The following AK7 variants were observed in gnomAD, a reference collection of about 807,000 sequenced individuals.
AK7 encodes the protein adenylate kinase 7, also known as ATP-AMP transphosphorylase 7.
In AK7, 78 loss-of-function variants were observed where a neutral mutation model predicts 96.6. The ratio of observed to expected loss-of-function variants is 0.81; its 90% confidence interval spans 0.67 to 0.97. AK7 has a LOEUF of 0.97. Among genes scored for constraint, AK7 ranks in the 50% least tolerant of loss-of-function variants. The probability of loss-of-function intolerance (pLI) is 0.00; values close to 1 mark genes in which losing one functional copy is unlikely to be tolerated. For synonymous variants in AK7, 302 were observed against 317.2 expected (o/e 0.95, Z 0.51); for missense variants, 855 against 887.9 (o/e 0.96, Z 0.47).
intron 6 of AK7, among the ~76,000 whole-genome samples, chr14:96,439,403 G>A (rs865821057): frequency 3.5e-4 from 54 of 152,236 alleles, no homozygotes; most frequent in African/African-American, 1.1e-3. Flanking sequence ...GCCGACTCAC[G>A]CCTGTAATCC....
In AK7 at chr14:96,468,273, A is replaced by G. The variant is rs115688991; in HGVS notation, c.1358-3205A>G. ...CTCTCATGAGGCAGACTTCCTACAA[A>G]TACATAGCTTTTGCACTCTTTCCTT... On this transcript the variant is annotated intron_variant, in intron 12 of 17. Transcript: ENST00000267584. 3.2e-3 allele frequency among the ~76,000 whole-genome samples: 469 copies of G among 147,216 alleles called. 5 individuals carry two copies. The highest frequency in any genetic ancestry group is 0.011 in the African/African-American group (448 of 40,096).
intron 12 of AK7, among the ~76,000 whole-genome samples, chr14:96,459,313 G>A (rs562918764): frequency 5.3e-5 from 8 of 151,902 alleles, no homozygotes; most frequent in African/African-American, 1.9e-4. Flanking sequence ...ACTCCAGTCT[G>A]AGTGACAGAG....
At chr14:96,469,307 G>C (rs555666390) in intron 12 of AK7, among the ~76,000 whole-genome samples, 1 of 152,184 alleles carries the variant, frequency 6.6e-6, no homozygotes, top group Non-Finnish European at 1.5e-5. Context: ...GATCACCTGA[G>C]GTCAGGAGTT....
At chr14:96,404,928 T>A (rs1890623172) in intron 3 of AK7, 63 bp downstream of exon 3, 2 of 1,199,362 alleles carry the variant, frequency 1.7e-6, no homozygotes, top group African/African-American at 3.0e-5. Flanking sequence ...CTTCACCTAA[T>A]AGTCATCTAG....
At position 96,404,784 on chromosome 14, in the gene AK7, C is replaced by T. The variant is rs781727092; in HGVS notation, c.322C>T (p.Arg108Cys). The change falls in exon 3 of 18, where the codon CGC becomes TGC. Residue 108 changes from arginine (R) to cysteine (C), a missense_variant. Transcript: ENST00000267584. ...CATCTCTCGAGAAGACCTTCTCATGCGCCTGCTGGAGTGTGATGTTATTAT... is the reference window on the plus strand; with the variant it reads ...CATCTCTCGAGAAGACCTTCTCATGTGCCTGCTGGAGTGTGATGTTATTAT... ...SAISREDLLM[R>C]LLECDVIIYN... 6.2e-6 allele frequency: 10 copies of T among 1,608,076 alleles called. No homozygotes were observed. The highest frequency in any genetic ancestry group is 1.7e-5 in the Admixed American group (1 of 59,926).
intron 1 of AK7, among the ~76,000 whole-genome samples, chr14:96,397,696 A>C (rs1376813467): frequency 6.6e-6 from 1 of 152,226 alleles, no homozygotes; most frequent in Non-Finnish European, 1.5e-5. Flanking sequence ...AGCCTAGGCA[A>C]CATAGCAAGA....
intron 14 of AK7, among the ~76,000 whole-genome samples, chr14:96,473,869 A>T (rs1380412523): frequency 6.6e-6 from 1 of 152,222 alleles, no homozygotes; most frequent in African/African-American, 2.4e-5. Context: ...GAGATTGCAC[A>T]GGTCAAAAGC....
Position 96,392,230 on chromosome 14 carries a change from G to C in AK7, c.76G>C (p.Asp26His). ...RTQRVFINLL[D>H]SYSSGNIGKF... ...CCAGAGGGTGTTTATAAACCTGTTG[G>C]ATTCCTACAGCAGCGGAAACATCGG... Residue 26 changes from aspartate to histidine, a missense_variant, in exon 1 of 18, where the codon GAT (aspartate) becomes CAT (histidine). Physicochemically the swap from Asp to His is moderately conservative, Grantham distance 81. Transcript: ENST00000267584. The C allele has an allele frequency of 1.2e-6, 2 of 1,613,446 alleles. No homozygotes were observed. Among genetic ancestry groups the C allele is most frequent in the Non-Finnish European group, 1.7e-6 (2 of 1,179,424 alleles).
chr14:96,465,415 A>G (rs923937703), intron 12 of AK7, among the ~76,000 whole-genome samples: 7 of 151,896 alleles, frequency 4.6e-5, no homozygotes, highest in Admixed American at 4.6e-4. Flanking sequence ...ATGAGCCAAG[A>G]TCATGCCACT....
intron 6 of AK7, among the ~76,000 whole-genome samples, chr14:96,441,642 C>CAAAAA (rs34473287): frequency 2.2e-5 from 2 of 91,448 alleles, no homozygotes; most frequent in Non-Finnish European, 4.0e-5. Context: ...GACTCCGTCT[C>CAAAAA]AAAAAAAAAA....
intron 4 of AK7, among the ~76,000 whole-genome samples, chr14:96,418,760 C>A (rs1233003900): frequency 6.6e-6 from 1 of 152,070 alleles, no homozygotes; most frequent in African/African-American, 2.4e-5. Flanking sequence ...CTCAAGTGAT[C>A]CACCCACCTC....
At chr14:96,450,402 G>A (rs1418472757) in intron 9 of AK7, among the ~76,000 whole-genome samples, 1 of 147,856 alleles carries the variant, frequency 6.8e-6, no homozygotes, top group Non-Finnish European at 1.5e-5. Flanking sequence ...GGCAACAAGA[G>A]AGACAGTCCA....
At chr14:96,478,286 C>T (rs562839333) in intron 14 of AK7, among the ~76,000 whole-genome samples, 179 bp from the exon 15 acceptor site, 2 of 152,158 alleles carry the variant, frequency 1.3e-5, no homozygotes, top group South Asian at 4.2e-4. Context: ...AGGGTGGTCT[C>T]TGGAAATGGG....
Position 96,449,623 on chromosome 14 carries a change from G to A in AK7, c.871-179G>A, listed in dbSNP as rs368985680. Reference sequence around the variant, plus strand: ...TAACTTTTGTATTTTTCGTAGAGACGGGGTTTCACCATGTCAGCCAGGTTG... The same window carrying A: ...TAACTTTTGTATTTTTCGTAGAGACAGGGTTTCACCATGTCAGCCAGGTTG... On this transcript the variant is annotated intron_variant, in intron 8 of 17. Transcript: ENST00000267584. Among the ~76,000 whole-genome samples, 4 of 152,256 alleles carry A rather than the reference G, an allele frequency of 2.6e-5. No homozygotes were observed. In the South Asian group the frequency reaches 6.2e-4, roughly 24 times the overall value.
At chr14:96,394,308 C>G (rs2139966182) in intron 1 of AK7, among the ~76,000 whole-genome samples, 1 of 152,234 alleles carries the variant, frequency 6.6e-6, no homozygotes, top group East Asian at 1.9e-4. Flanking sequence ...AGTACCATGC[C>G]CAGGGCCCAT....
intron 9 of AK7, among the ~76,000 whole-genome samples, chr14:96,451,204 C>G (rs1893581620): frequency 6.6e-6 from 1 of 152,112 alleles, no homozygotes; most frequent in Non-Finnish European, 1.5e-5. Context: ...ACTTGTTCAG[C>G]CAGAAGGTGG....
At chr14:96,443,879 T>G (rs933513334) in intron 7 of AK7, among the ~76,000 whole-genome samples, 1 of 151,270 alleles carries the variant, frequency 6.6e-6, no homozygotes, top group Non-Finnish European at 1.5e-5. Flanking sequence ...GTTCATGCCA[T>G]TCTCCTGCCT....
At chr14:96,404,887 A>G (rs1182307532) in intron 3 of AK7, 22 bp downstream of exon 3, 11 of 1,536,600 alleles carry the variant, frequency 7.2e-6, no homozygotes, top group Non-Finnish European at 9.9e-6. Flanking sequence ...GTACTCTTTT[A>G]TCTCCAGGGA....
intron 12 of AK7, among the ~76,000 whole-genome samples, chr14:96,469,945 G>C (rs7147402): frequency 0.13 from 20,366 of 152,026 alleles, 1,424 homozygotes; most frequent in East Asian, 0.18. Context: ...AGCCTCTCGA[G>C]TAGCTGGGAT....
Sources: gnomAD v4.1 joint callset for allele counts (sites outside exome capture counted in the v4.1 genomes callset) on GRCh38, gnomAD v4.1.1 for gene constraint, MANE v1.5 for transcripts, NCBI Gene and HGNC (gene_info 2026-07-23, HGNC 2026-07-21) for gene names.